Variants in MAD1L1 observed in about 807,000 individuals in gnomAD.
MAD1L1 encodes mitotic arrest deficient 1 like 1.
Under a neutral mutation model 96.9 loss-of-function variants are expected in MAD1L1, and 95 were observed. That is an observed-to-expected ratio of 0.98 (90% CI 0.83 to 1.16). The LOEUF (loss-of-function observed/expected upper bound fraction) is 1.16, where lower values mean the gene tolerates loss of function less well. MAD1L1 is among the 50% of genes most tolerant of loss of function. The probability of loss-of-function intolerance (pLI) is 0.00; values close to 1 mark genes in which losing one functional copy is unlikely to be tolerated. For synonymous variants in MAD1L1, 473 were observed against 396.6 expected, an observed-to-expected ratio of 1.19 and a Z score of -2.29; for missense variants, 1,007 against 954.4, an observed-to-expected ratio of 1.06 and a Z score of -0.73.
chr7:2,150,832 C>T (rs1473609638), intron 10 of MAD1L1, among the ~76,000 whole-genome samples: 1 of 152,244 alleles, frequency 6.6e-6, no homozygotes, highest in African/African-American at 2.4e-5. Context: ...CCCAGAGAGG[C>T]CTCCTCTGCC....
Position 2,058,057 on chromosome 7 carries a change from G to A in MAD1L1, c.1218+11137C>T, listed in dbSNP as rs1304459543. Among the ~76,000 whole-genome samples the A allele has an allele frequency of 1.4e-4, 14 of 98,298 alleles. 1 individual carries two copies. The highest frequency in any genetic ancestry group is 6.0e-4 in the African/African-American group (12 of 20,032). 64.5% of individuals were successfully genotyped at this position (98,298 alleles called of 152,430 possible). On this transcript the variant is annotated intron_variant, in intron 12 of 18. Coordinates refer to ENST00000265854, the MANE Select transcript of MAD1L1 (RefSeq NM_001013836.2). ...GAGAGGAGAGGCGCGGGGCTGGAGA[G>A]GGAGTGTGGCCAGAGGAGAGGAGAG...
intron 11 of MAD1L1, among the ~76,000 whole-genome samples, chr7:2,081,982 G>A (rs1359135114): frequency 1.3e-5 from 2 of 152,226 alleles, no homozygotes; most frequent in African/African-American, 4.8e-5. Context: ...ATCTGATCAT[G>A]GAGATTAGGA....
At chr7:2,018,956 G>C (rs569192378) in intron 12 of MAD1L1, among the ~76,000 whole-genome samples, 4 of 152,292 alleles carry the variant, frequency 2.6e-5, no homozygotes, top group Admixed American at 2.6e-4. Flanking sequence ...CCAACTCTGA[G>C]TCACTCCACA....
chr7:2,143,654 C>T (rs1789153501), intron 11 of MAD1L1, among the ~76,000 whole-genome samples: 1 of 152,032 alleles, frequency 6.6e-6, no homozygotes, highest in African/African-American at 2.4e-5. Flanking sequence ...GTAGATGAAA[C>T]AGGCCAGGCC....
At chr7:1,883,676 G>A (rs1785826371) in intron 18 of MAD1L1, among the ~76,000 whole-genome samples, 1 of 152,206 alleles carries the variant, frequency 6.6e-6, no homozygotes, top group African/African-American at 2.4e-5. Context: ...CGTGGCTGGG[G>A]TCGCGGGGTC....
intron 11 of MAD1L1, among the ~76,000 whole-genome samples, chr7:2,127,751 G>A (rs557635470): frequency 3.9e-5 from 6 of 152,240 alleles, no homozygotes; most frequent in African/African-American, 1.4e-4. Flanking sequence ...CCTGCACTCC[G>A]GGAAACGTGC....
At chr7:1,857,846 G>A (rs1490702940) in intron 18 of MAD1L1, among the ~76,000 whole-genome samples, 4 of 152,216 alleles carry the variant, frequency 2.6e-5, no homozygotes, top group Non-Finnish European at 5.9e-5. Flanking sequence ...ACTCAGTCCA[G>A]GAAGGCAGGT....
At chr7:1,960,719 C>T (rs1779918053) in intron 15 of MAD1L1, among the ~76,000 whole-genome samples, 1 of 152,078 alleles carries the variant, frequency 6.6e-6, no homozygotes. Context: ...CTTCAGTATC[C>T]CTCTCTCAAT....
intron 18 of MAD1L1, among the ~76,000 whole-genome samples, chr7:1,886,681 A>C (rs751623582): frequency 1.3e-5 from 2 of 152,376 alleles, no homozygotes; most frequent in East Asian, 3.9e-4. Flanking sequence ...GGCAGGAAGG[A>C]AGGCCTGAGC....
chr7:2,215,054 A>C (rs1179316381), intron 9 of MAD1L1, among the ~76,000 whole-genome samples: 1 of 152,142 alleles, frequency 6.6e-6, no homozygotes, highest in Admixed American at 6.5e-5. Context: ...CAACACAGGG[A>C]GACCCCATCT....
intron 11 of MAD1L1, among the ~76,000 whole-genome samples, chr7:2,141,493 G>A (rs759282106): frequency 6.6e-6 from 1 of 152,164 alleles, no homozygotes; most frequent in Non-Finnish European, 1.5e-5. Flanking sequence ...GATGGGCACC[G>A]GGTCTATGTC....
intron 11 of MAD1L1, among the ~76,000 whole-genome samples, chr7:2,131,626 T>C (rs962805797): frequency 6.6e-6 from 1 of 152,198 alleles, no homozygotes; most frequent in African/African-American, 2.4e-5. Flanking sequence ...TGCTGGAACA[T>C]TCGTGCCTGC....
At chr7:1,895,312 C>T (rs1195226746) in intron 18 of MAD1L1, among the ~76,000 whole-genome samples, 3 of 152,172 alleles carry the variant, frequency 2.0e-5, no homozygotes, top group Non-Finnish European at 4.4e-5. Flanking sequence ...GTGGGTCAGA[C>T]GTAACTGTAC....
intron 11 of MAD1L1, among the ~76,000 whole-genome samples, chr7:2,099,839 C>T (rs1224197297): frequency 2.0e-5 from 3 of 152,342 alleles, no homozygotes; most frequent in South Asian, 2.1e-4. Context: ...GACTGGCTGC[C>T]GACTGTGAGG....
chr7:2,067,281 G>A lies in MAD1L1; in HGVS notation c.1218+1913C>T, dbSNP rs903462224. On this transcript the variant is annotated intron_variant, in intron 12 of 18. Coordinates refer to ENST00000265854, the MANE Select transcript of MAD1L1 (RefSeq NM_001013836.2). Reference sequence around the variant, plus strand: ...CAGGCACCCGGGGTCATCAGGCCACGTTCGCAGGCACCCGGGGTCATCAGG... The same window carrying A: ...CAGGCACCCGGGGTCATCAGGCCACATTCGCAGGCACCCGGGGTCATCAGG... Among the ~76,000 whole-genome samples the A allele has an allele frequency of 1.4e-4, 21 of 148,204 alleles. 1 individual carries two copies. Among genetic ancestry groups the A allele is most frequent in the African/African-American group, 5.0e-4 (19 of 37,912 alleles).
At chr7:2,159,651 A>T (rs367870391) in intron 10 of MAD1L1, among the ~76,000 whole-genome samples, 2 of 152,352 alleles carry the variant, frequency 1.3e-5, no homozygotes, top group East Asian at 3.9e-4. Flanking sequence ...AAAAAAAATC[A>T]TATCATTCCA....
chr7:1,827,988 G>A (rs1039897025), intron 18 of MAD1L1, among the ~76,000 whole-genome samples: 1 of 152,128 alleles, frequency 6.6e-6, no homozygotes, highest in African/African-American at 2.4e-5. Flanking sequence ...CTGGGGATGC[G>A]GGGTGAGGAG....
chr7:1,942,108 C>T (rs1372933780), intron 16 of MAD1L1, among the ~76,000 whole-genome samples: 5 of 152,182 alleles, frequency 3.3e-5, no homozygotes, highest in Admixed American at 2.6e-4. Flanking sequence ...TCCATCCACC[C>T]GCACACCTGT....
intron 17 of MAD1L1, among the ~76,000 whole-genome samples, chr7:1,919,769 G>A (rs1452587367): frequency 1.3e-5 from 2 of 152,248 alleles, no homozygotes; most frequent in Non-Finnish European, 2.9e-5. Context: ...CTGGGACCAT[G>A]GCCCAAGTCC....
Sources: gnomAD v4.1 joint callset for allele counts (sites outside exome capture counted in the v4.1 genomes callset) on GRCh38, gnomAD v4.1.1 for gene constraint, MANE v1.5 for transcripts, NCBI Gene and HGNC (gene_info 2026-07-23, HGNC 2026-07-21) for gene names.